Variants in ZNF567 observed in about 807,000 individuals in gnomAD.
ZNF567 encodes the protein zinc finger protein 567.
ZNF567 carries 36 observed loss-of-function variants against 53.9 expected under a neutral mutation model. That is an observed-to-expected ratio of 0.67 (90% confidence interval 0.51 to 0.88). The LOEUF is 0.88. ZNF567 is among the 40% of genes least tolerant of loss of function. ZNF567 has a pLI of 0.00. For synonymous variants in ZNF567, 224 were observed against 260.4 expected (o/e 0.86, Z 1.35); for missense variants, 619 against 764.7 (o/e 0.81, Z 2.25).
downstream of ZNF567, among the ~76,000 whole-genome samples, chr19:36,722,033 C>T (rs1403673650): frequency 2.0e-5 from 3 of 151,770 alleles, no homozygotes; most frequent in South Asian, 2.1e-4. Context: ...TGACCCACCA[C>T]GCCTGGCTAC....
intron 3 of ZNF567, among the ~76,000 whole-genome samples, chr19:36,705,677 A>T (rs913855995): frequency 4.0e-5 from 6 of 148,776 alleles, no homozygotes; most frequent in African/African-American, 1.5e-4. Flanking sequence ...AATATCAGTG[A>T]GATTAAATTG....
At chr19:36,686,129 C>T (rs1467236698), upstream of ZNF567, 1 of 152,164 alleles carries the variant, frequency 6.6e-6, no homozygotes, top group Non-Finnish European at 1.5e-5. Context: ...CCTCACAAGG[C>T]CCTGCCTAAT....
At chr19:36,667,669 T>A in the ZNF567 span, among the ~76,000 whole-genome samples, 1 of 149,930 alleles carries the variant, frequency 6.7e-6, no homozygotes, top group African/African-American at 2.4e-5. Flanking sequence ...TTTTTTTTTT[T>A]GAGACGGAGT....
the ZNF567 span, among the ~76,000 whole-genome samples, chr19:36,671,444 T>G: frequency 2.0e-5 from 3 of 152,230 alleles, no homozygotes; most frequent in Non-Finnish European, 4.4e-5. Flanking sequence ...GGATGTGTTA[T>G]TCTGCTGGCC....
At chr19:36,716,081 T>C (rs2040052118) in intron 5 of ZNF567, among the ~76,000 whole-genome samples, 1 of 152,194 alleles carries the variant, frequency 6.6e-6, no homozygotes, top group African/African-American at 2.4e-5. Flanking sequence ...TATTGTTACT[T>C]TCCTCACAAA....
intron 2 of ZNF567, among the ~76,000 whole-genome samples, chr19:36,692,551 T>C (rs2038672400): frequency 6.6e-6 from 1 of 152,110 alleles, no homozygotes; most frequent in Non-Finnish European, 1.5e-5. Flanking sequence ...TGTGTATTTT[T>C]ATTTTGTAGA....
At chr19:36,680,427 T>C in the ZNF567 span, among the ~76,000 whole-genome samples, 1 of 152,198 alleles carries the variant, frequency 6.6e-6, no homozygotes, top group Non-Finnish European at 1.5e-5. Context: ...GGTGGAGTTG[T>C]ATCTTCAGGG....
the ZNF567 span, among the ~76,000 whole-genome samples, chr19:36,680,757 C>T: frequency 3.3e-5 from 5 of 152,144 alleles, no homozygotes; most frequent in Admixed American, 6.5e-5. Context: ...TGGCTGTAGC[C>T]ATTCCTTGAC....
downstream of ZNF567, among the ~76,000 whole-genome samples, chr19:36,725,954 C>A (rs2040333730): frequency 8.0e-6 from 1 of 124,662 alleles, no homozygotes; most frequent in South Asian, 2.6e-4. Flanking sequence ...TCTCACAGTT[C>A]TTCATTCTTT....
intron 3 of ZNF567, among the ~76,000 whole-genome samples, chr19:36,697,734 C>A (rs2038957452): frequency 6.6e-6 from 1 of 151,664 alleles, no homozygotes; most frequent in African/African-American, 2.4e-5. Context: ...GCGTCAGCCT[C>A]CCACGTAGCT....
At chr19:36,722,260 T>C (rs1289712794), downstream of ZNF567, among the ~76,000 whole-genome samples, 1 of 152,156 alleles carries the variant, frequency 6.6e-6, no homozygotes, top group African/African-American at 2.4e-5. Flanking sequence ...GTATTTACTA[T>C]GTATATGAAG....
chr19:36,712,138 C>G (rs2039818892), intron 3 of ZNF567: 1 of 375,200 alleles, frequency 2.7e-6, no homozygotes, highest in African/African-American at 2.1e-5. Flanking sequence ...CCTCCGCCTC[C>G]TGGTTTCAAG....
chr19:36,699,516 A>T (rs1294652706), intron 3 of ZNF567, among the ~76,000 whole-genome samples: 1 of 152,080 alleles, frequency 6.6e-6, no homozygotes, highest in Non-Finnish European at 1.5e-5. Flanking sequence ...CTTGGTCAGT[A>T]TGGCCATTTT....
chr19:36,713,096 C>T lies in ZNF567; in HGVS notation c.223+229C>T, dbSNP rs78479754. On this transcript the variant is annotated intron_variant, in intron 5 of 5. Transcript: ENST00000682579. ...GCCAAGGTGAGAGGATCACTTGAGG[C>T]CACGAGTTCAGAGCCAGCCTGGACA... Among the ~76,000 whole-genome samples the T allele has an allele frequency of 2.3e-3, 350 of 152,090 alleles. 1 individual carries two copies. The highest frequency in any genetic ancestry group is 8.0e-3 in the African/African-American group (330 of 41,502).
rs182912646 is a variant in ZNF567, at chr19:36,695,658, G to A, written c.9+782G>A. On this transcript the variant is annotated intron_variant, in intron 3 of 5. Coordinates refer to ENST00000682579, the MANE Select transcript of ZNF567 (RefSeq NM_001322917.1). ...GTCTACAATGAGCCATGATGTCACT[G>A]CACTTCAGCCTGGGTGACAGAACAA... 3.2e-3 allele frequency among the ~76,000 whole-genome samples: 486 copies of A among 151,326 alleles called. 2 individuals carry two copies. The highest frequency in any genetic ancestry group is 0.011 in the African/African-American group (459 of 41,176).
intron 3 of ZNF567, among the ~76,000 whole-genome samples, chr19:36,707,527 T>C (rs1023188371): frequency 6.6e-6 from 1 of 152,202 alleles, no homozygotes; most frequent in Non-Finnish European, 1.5e-5. Flanking sequence ...CTCTCATGTT[T>C]ATCTTTTTTT....
In ZNF567 at chr19:36,720,122, A is replaced by T; in HGVS notation, c.1398A>T (p.Ala466=). The part of the protein sequence containing the change: ...KSFRQKTTLV[A]HQRTHTGEKS... ...TCCGCCAGAAGACAACCCTTGTAGC[A>T]CATCAGAGAACACATACAGGGGAGA... Residue 466 remains alanine (A), a synonymous_variant, in exon 6 of 6, where the codon GCA becomes GCT. Transcript: ENST00000682579. 1.9e-6 allele frequency: 3 copies of T among 1,613,902 alleles called. No homozygotes were observed. Among genetic ancestry groups the T allele is most frequent in the Non-Finnish European group, 2.5e-6 (3 of 1,179,962 alleles).
chr19:36,677,984 C>T, the ZNF567 span, among the ~76,000 whole-genome samples: 2 of 151,986 alleles, frequency 1.3e-5, no homozygotes, highest in Admixed American at 6.6e-5. Context: ...CTCATATTTT[C>T]CTCTCCCTGA....
chr19:36,704,595 T>A (rs2039396009), intron 3 of ZNF567, among the ~76,000 whole-genome samples: 1 of 152,118 alleles, frequency 6.6e-6, no homozygotes, highest in African/African-American at 2.4e-5. Context: ...TTGTATATAT[T>A]GTTTTATATA....
Sources: allele counts gnomAD v4.1 joint callset (sites outside exome capture counted in the v4.1 genomes callset), GRCh38; gene constraint gnomAD v4.1.1; transcripts MANE v1.5; gene names NCBI Gene and HGNC (gene_info 2026-07-23, HGNC 2026-07-21).